PTPRD: variants seen among roughly 807,000 people sequenced by gnomAD.
PTPRD encodes the protein receptor-type tyrosine-protein phosphatase delta.
A neutral mutation model predicts 214.5 loss-of-function variants in PTPRD; 34 were observed. That is an observed-to-expected ratio of 0.16 (90% CI 0.12 to 0.21). The LOEUF (loss-of-function observed/expected upper bound fraction) is 0.21, where lower values mean the gene tolerates loss of function less well. PTPRD is among the 10% of genes least tolerant of loss of function. The probability of loss-of-function intolerance (pLI) is 1.00; values close to 1 mark genes in which losing one functional copy is unlikely to be tolerated. For synonymous variants in PTPRD, 1,128 were observed against 845.7 expected (o/e 1.33, Z -5.79); for missense variants, 2,545 against 2,398.7 (o/e 1.06, Z -1.27).
intron 35 of PTPRD, among the ~76,000 whole-genome samples, chr9:8,409,281 G>C (rs921515062): frequency 6.6e-6 from 1 of 152,148 alleles, no homozygotes; most frequent in Admixed American, 6.5e-5. Context: ...GGGTCAAACA[G>C]CTAGCAGGGA....
chr9:8,509,915 G>T (rs1013182219), intron 21 of PTPRD, among the ~76,000 whole-genome samples: 2 of 152,072 alleles, frequency 1.3e-5, no homozygotes, highest in African/African-American at 4.8e-5. Flanking sequence ...TAATGTACAG[G>T]GGGTTCTCTC....
intron 9 of PTPRD, among the ~76,000 whole-genome samples, chr9:9,376,336 A>G (rs930951587): frequency 6.6e-6 from 1 of 152,168 alleles, no homozygotes; most frequent in Non-Finnish European, 1.5e-5. Flanking sequence ...TCACCCTCCT[A>G]TAAAATTTGA....
intron 4 of PTPRD, among the ~76,000 whole-genome samples, chr9:9,987,933 G>A (rs1353492943): frequency 6.6e-6 from 1 of 152,080 alleles, no homozygotes; most frequent in East Asian, 1.9e-4. Context: ...CTATCAGGCA[G>A]GTTTAGGGTA....
chr9:9,630,894 A>G (rs1330763155), intron 7 of PTPRD, among the ~76,000 whole-genome samples: 1 of 152,186 alleles, frequency 6.6e-6, no homozygotes, highest in Non-Finnish European at 1.5e-5. Flanking sequence ...ATATTTGTCA[A>G]TTAAAACATA....
intron 10 of PTPRD, among the ~76,000 whole-genome samples, chr9:9,063,408 T>G (rs2099711306): frequency 6.6e-6 from 1 of 152,140 alleles, no homozygotes; most frequent in African/African-American, 2.4e-5. Context: ...ATCAACTAAT[T>G]AGGATTTAGC....
intron 9 of PTPRD, among the ~76,000 whole-genome samples, chr9:9,193,041 T>C (rs996153007): frequency 4.6e-5 from 7 of 152,290 alleles, no homozygotes; most frequent in African/African-American, 1.7e-4. Flanking sequence ...GAATGTTCCA[T>C]TCCTCTGTTT....
chr9:9,826,676 G>C (rs1167369589), intron 5 of PTPRD, among the ~76,000 whole-genome samples: 1 of 151,944 alleles, frequency 6.6e-6, no homozygotes, highest in South Asian at 2.1e-4. Flanking sequence ...AGCAAGATGT[G>C]TAATTTTCAA....
intron 14 of PTPRD, among the ~76,000 whole-genome samples, chr9:8,601,253 A>T (rs186994219): frequency 6.6e-6 from 1 of 152,270 alleles, no homozygotes; most frequent in Admixed American, 6.5e-5. Context: ...AGACTTCTAA[A>T]GTTTTTGACT....
chr9:9,343,044 C>T (rs1180375608), intron 9 of PTPRD, among the ~76,000 whole-genome samples: 1 of 152,094 alleles, frequency 6.6e-6, no homozygotes, highest in African/African-American at 2.4e-5. Flanking sequence ...CATCCATGTC[C>T]CTGCAAAGGA....
At chr9:9,381,521 C>T (rs747032563) in intron 9 of PTPRD, among the ~76,000 whole-genome samples, 10 of 151,638 alleles carry the variant, frequency 6.6e-5, no homozygotes, top group Non-Finnish European at 1.2e-4. Flanking sequence ...CCACCATACC[C>T]GGCTAATTTT....
intron 2 of PTPRD, among the ~76,000 whole-genome samples, chr9:10,357,126 AAAG>A (rs1283733953): frequency 1.3e-5 from 2 of 152,198 alleles, no homozygotes; most frequent in Non-Finnish European, 2.9e-5. Flanking sequence ...AAAAATAAGA[AAAG>A]AAGAACTAGC....
At chr9:10,319,958 T>C (rs2096524784) in intron 3 of PTPRD, among the ~76,000 whole-genome samples, 1 of 152,024 alleles carries the variant, frequency 6.6e-6, no homozygotes, top group South Asian at 2.1e-4. Context: ...TTTCAGTGAA[T>C]TATTTCTAAA....
chr9:10,047,761 T>C (rs535163735), intron 3 of PTPRD, among the ~76,000 whole-genome samples: 37 of 152,262 alleles, frequency 2.4e-4, no homozygotes, highest in African/African-American at 8.7e-4. Context: ...ATCAGGTGGG[T>C]GACCATAGGC....
intron 39 of PTPRD, among the ~76,000 whole-genome samples, chr9:8,369,015 T>C (rs1216901925): frequency 8.5e-5 from 13 of 152,138 alleles, no homozygotes. Context: ...GCATCTCCTA[T>C]TCCGTAATTT....
chr9:10,523,637 G>GGAGA (rs34292948), intron 2 of PTPRD, among the ~76,000 whole-genome samples: 5 of 22,506 alleles, frequency 2.2e-4, no homozygotes, highest in Admixed American at 6.1e-4. Flanking sequence ...AGAAAGAAAG[G>GGAGA]GAGAGAGAGA....
At chr9:10,482,882 A>T (rs1328812996) in intron 2 of PTPRD, among the ~76,000 whole-genome samples, 6 of 152,242 alleles carry the variant, frequency 3.9e-5, no homozygotes, top group Non-Finnish European at 8.8e-5. Flanking sequence ...GACAGATTGA[A>T]TGCAATCCCT....
chr9:9,696,445 T>C (rs2154407644), intron 7 of PTPRD, among the ~76,000 whole-genome samples: 1 of 152,276 alleles, frequency 6.6e-6, no homozygotes, highest in Non-Finnish European at 1.5e-5. Context: ...GCTCTCCTTT[T>C]AGATCTATTA....
intron 10 of PTPRD, among the ~76,000 whole-genome samples, chr9:9,140,843 GC>G (rs1485161402): frequency 2.0e-5 from 3 of 152,136 alleles, no homozygotes; most frequent in Non-Finnish European, 2.9e-5. Context: ...CTCCCAAAGT[GC>G]TGGGATTACA....
intron 2 of PTPRD, among the ~76,000 whole-genome samples, chr9:10,424,313 T>TTCTCTCTCTCTCTC (rs35994999): frequency 3.8e-4 from 55 of 145,586 alleles, no homozygotes; most frequent in African/African-American, 1.4e-3. Context: ...TGGTTTCCTT[T>TTCTCTCTCTCTCTC]TCTCTCTCTC....
Sources: gnomAD v4.1 joint callset for allele counts (sites outside exome capture counted in the v4.1 genomes callset) on GRCh38, gnomAD v4.1.1 for gene constraint, MANE v1.5 for transcripts, NCBI Gene and HGNC (gene_info 2026-07-23, HGNC 2026-07-21) for gene names.